Variants in OR3A2 observed in about 807,000 individuals in gnomAD.
OR3A2 encodes olfactory receptor 3A2.
For missense variants in OR3A2, 318 were observed against 392.8 expected (o/e 0.81, Z 1.61); for synonymous variants, 126 against 159.3 (o/e 0.79, Z 1.57).
chr17:3,306,384 C>G (rs1026267329), intron 3 of OR3A2, among the ~76,000 whole-genome samples: 1 of 152,004 alleles, frequency 6.6e-6, no homozygotes, highest in Non-Finnish European at 1.5e-5. Context: ...CTCAAGCAAT[C>G]CCCCCACTCC....
chr17:3,312,539 C>G (rs2049052446), intron 3 of OR3A2, among the ~76,000 whole-genome samples: 1 of 152,214 alleles, frequency 6.6e-6, no homozygotes, highest in African/African-American at 2.4e-5. Flanking sequence ...TGAGCCTATT[C>G]TCACAACCTG....
At chr17:3,350,230 T>A (rs1296556909) in intron 2 of OR3A2, among the ~76,000 whole-genome samples, 1 of 151,748 alleles carries the variant, frequency 6.6e-6, no homozygotes, top group Non-Finnish European at 1.5e-5. Flanking sequence ...TTCAAAAAAT[T>A]AACGAATCCA....
chr17:3,318,760 T>C lies in OR3A2; in HGVS notation c.-85+17273A>G, dbSNP rs542926832. On this transcript the variant is annotated intron_variant, in intron 3 of 4. Transcript: ENST00000573491. Reference sequence around the variant, plus strand: ...TTTTTTCCACAGCTATTTCCCTAAATGGGCCACATGTATGTGTATATTTTC... The same window carrying C: ...TTTTTTCCACAGCTATTTCCCTAAACGGGCCACATGTATGTGTATATTTTC... Among the ~76,000 whole-genome samples, 5 of 152,318 alleles carry C rather than the reference T, an allele frequency of 3.3e-5. No individual in the cohort carries two copies. In the East Asian group the frequency reaches 5.8e-4, roughly 18 times the overall value.
At chr17:3,285,842 T>C (rs1478899205), upstream of OR3A2, among the ~76,000 whole-genome samples, 2 of 152,210 alleles carry the variant, frequency 1.3e-5, no homozygotes, top group African/African-American at 2.4e-5. Flanking sequence ...TTATGAGTGT[T>C]TGTCATGTAC....
At chr17:3,289,662 A>G (rs1236016558) in intron 3 of OR3A2, among the ~76,000 whole-genome samples, 1 of 152,220 alleles carries the variant, frequency 6.6e-6, no homozygotes, top group Non-Finnish European at 1.5e-5. Flanking sequence ...ACTCAGAGAA[A>G]TCTCGCAGTG....
intron 1 of OR3A2, among the ~76,000 whole-genome samples, chr17:3,283,941 C>T (rs143342392): frequency 0.015 from 2,095 of 142,160 alleles, 137 homozygotes; most frequent in African/African-American, 0.055. Flanking sequence ...GACAGGGTCC[C>T]CACGAGGCCC....
At chr17:3,366,420 G>T (rs2049563994) in intron 2 of OR3A2, among the ~76,000 whole-genome samples, 2 of 152,056 alleles carry the variant, frequency 1.3e-5, no homozygotes, top group African/African-American at 4.8e-5. Context: ...ATCTCTCAAA[G>T]GCTGAAAATA....
chr17:3,337,815 G>C (rs1357519900), intron 2 of OR3A2, among the ~76,000 whole-genome samples: 1 of 152,156 alleles, frequency 6.6e-6, no homozygotes, highest in African/African-American at 2.4e-5. Context: ...GGGTCAAATG[G>C]TATTTCTAGT....
chr17:3,377,791 T>C (rs1028645688), intron 2 of OR3A2, among the ~76,000 whole-genome samples: 5 of 152,180 alleles, frequency 3.3e-5, no homozygotes, highest in Admixed American at 3.3e-4. Flanking sequence ...AAATTGATAA[T>C]ACCAGGTGTT....
intron 3 of OR3A2, among the ~76,000 whole-genome samples, chr17:3,329,751 T>A (rs1182034121): frequency 1.7e-5 from 2 of 119,344 alleles, no homozygotes; most frequent in Non-Finnish European, 3.3e-5. Flanking sequence ...TGCCTTCTGC[T>A]AGCTTTTGAA....
chr17:3,362,511 G>A (rs955720481), intron 2 of OR3A2, among the ~76,000 whole-genome samples: 1 of 151,588 alleles, frequency 6.6e-6, no homozygotes, highest in Non-Finnish European at 1.5e-5. Context: ...TGTGATGTTA[G>A]GGTGTCAATT....
chr17:3,334,443 C>A (rs551539192), intron 3 of OR3A2, among the ~76,000 whole-genome samples: 1 of 152,130 alleles, frequency 6.6e-6, no homozygotes, highest in Non-Finnish European at 1.5e-5. Flanking sequence ...TAATGACCCC[C>A]AGTTCCATCA....
At chr17:3,338,028 A>C (rs572456964) in intron 2 of OR3A2, among the ~76,000 whole-genome samples, 1 of 152,326 alleles carries the variant, frequency 6.6e-6, no homozygotes, top group East Asian at 1.9e-4. Flanking sequence ...ATGGCCAGTG[A>C]TGATGAACAT....
At chr17:3,330,717 C>A (rs1407964381) in intron 3 of OR3A2, among the ~76,000 whole-genome samples, 19 of 151,750 alleles carry the variant, frequency 1.3e-4, no homozygotes, top group East Asian at 3.9e-4. Context: ...TTTACATTTA[C>A]AGTTAATATT....
chr17:3,384,932 C>G (rs1271009814), intron 1 of OR3A2, among the ~76,000 whole-genome samples: 2 of 152,168 alleles, frequency 1.3e-5, no homozygotes, highest in African/African-American at 2.4e-5. Flanking sequence ...TGGCTCACGC[C>G]TGTAATCCCA....
At chr17:3,325,411 G>C (rs929011918) in intron 3 of OR3A2, among the ~76,000 whole-genome samples, 2 of 151,822 alleles carry the variant, frequency 1.3e-5, no homozygotes, top group African/African-American at 4.8e-5. Context: ...GGTTTCACCA[G>C]GTTGGCCAGG....
intron 2 of OR3A2, among the ~76,000 whole-genome samples, chr17:3,372,112 C>T (rs1323255430): frequency 1.3e-5 from 2 of 148,740 alleles, no homozygotes; most frequent in African/African-American, 5.0e-5. Flanking sequence ...TCAGACGGGG[C>T]GGCCAGGCAG....
chr17:3,340,806 T>C (rs904945256), intron 2 of OR3A2, among the ~76,000 whole-genome samples: 1 of 152,192 alleles, frequency 6.6e-6, no homozygotes, highest in African/African-American at 2.4e-5. Flanking sequence ...CTGAGTTCAA[T>C]TCCTGGATAT....
rs186864864 is a variant in OR3A2 at position 3,282,063 on chromosome 17, C to T, written c.-7+2295G>A. 4.5e-3 allele frequency among the ~76,000 whole-genome samples: 680 copies of T among 152,236 alleles called. 2 individuals are homozygous for T. Among genetic ancestry groups the T allele is most frequent in the Non-Finnish European group, 7.4e-3 (502 of 68,018 alleles). ...TCTCCATACCGGACATGAAGGTCAC[C>T]AGCCCTTTTAGGTGATCCAGCCACT... On this transcript the variant is annotated intron_variant, in intron 1 of 1. Coordinates refer to ENST00000642052, the Ensembl canonical transcript of OR3A2.
Sources: allele counts gnomAD v4.1 joint callset (sites outside exome capture counted in the v4.1 genomes callset), GRCh38; gene constraint gnomAD v4.1.1; transcripts MANE v1.5; gene names NCBI Gene and HGNC (gene_info 2026-07-23, HGNC 2026-07-21).